The following FMN1 variants were observed in gnomAD, a reference collection of about 807,000 sequenced individuals.
The protein encoded by FMN1 is formin-1.
A neutral mutation model predicts 132.4 loss-of-function variants in FMN1; 110 were observed. The ratio of observed to expected loss-of-function variants is 0.83; its 90% CI spans 0.71 to 0.97. The LOEUF is 0.97. Ranked by LOEUF, FMN1 falls within the 50% of genes least tolerant of loss-of-function variation. The pLI is 0.00. For synonymous variants in FMN1, 722 were observed against 651.7 expected (o/e 1.11, Z -1.64); for missense variants, 1,792 against 1,705.3 (o/e 1.05, Z -0.90).
At chr15:32,952,499 ACCC>A (rs2061675797) in intron 9 of FMN1, among the ~76,000 whole-genome samples, 1 of 152,212 alleles carries the variant, frequency 6.6e-6, no homozygotes, top group Non-Finnish European at 1.5e-5. Flanking sequence ...AGCAAACCAC[ACCC>A]AAGGTGAAGG....
intron 9 of FMN1, among the ~76,000 whole-genome samples, chr15:32,932,697 T>C (rs963310621): frequency 1.3e-5 from 2 of 152,188 alleles, no homozygotes; most frequent in African/African-American, 4.8e-5. Context: ...TCTGTTCAGA[T>C]TTTCCACTTC....
intron 6 of FMN1, among the ~76,000 whole-genome samples, chr15:33,042,502 A>C (rs57043029): frequency 1.2e-4 from 19 of 152,248 alleles, no homozygotes; most frequent in African/African-American, 4.1e-4. Flanking sequence ...TTAAAACTAC[A>C]TTAATTACAA....
At chr15:33,124,315 T>C (rs548205016) in intron 4 of FMN1, among the ~76,000 whole-genome samples, 1 of 152,118 alleles carries the variant, frequency 6.6e-6, no homozygotes, top group South Asian at 2.1e-4. Flanking sequence ...GAGAAGGGGG[T>C]CTGGTCAGCG....
In FMN1 at chr15:32,992,603, G is replaced by A. The variant is rs113343066; in HGVS notation, c.2223+15411C>T. Among the ~76,000 whole-genome samples the A allele has an allele frequency of 5.6e-3, 850 of 152,196 alleles. 16 individuals are homozygous for A. The highest frequency in any genetic ancestry group is 0.02 in the African/African-American group (823 of 41,534). On this transcript the variant is annotated intron_variant, in intron 7 of 20. Coordinates refer to ENST00000616417, the MANE Select transcript of FMN1 (RefSeq NM_001277313.2). ...GAGAAATAAAGAAAATGTTCGATAA[G>A]ACATATGTTTAACAAAAAGACATGC...
chr15:33,183,031 C>T (rs1483886955), intron 2 of FMN1, among the ~76,000 whole-genome samples: 1 of 152,152 alleles, frequency 6.6e-6, no homozygotes, highest in East Asian at 1.9e-4. Flanking sequence ...TACCAAGCAG[C>T]CTCTTCCCCT....
intron 16 of FMN1, among the ~76,000 whole-genome samples, chr15:32,865,048 G>C (rs1228246403): frequency 6.6e-6 from 1 of 152,142 alleles, no homozygotes; most frequent in Non-Finnish European, 1.5e-5. Flanking sequence ...AAATGTCCCA[G>C]TAGGCAAATC....
chr15:32,897,635 C>T (rs543302925), intron 15 of FMN1, among the ~76,000 whole-genome samples: 20 of 152,220 alleles, frequency 1.3e-4, no homozygotes, highest in East Asian at 1.2e-3. Flanking sequence ...GAATTAAATT[C>T]GTAGAGTCCT....
chr15:33,079,873 A>C (rs971357841), intron 5 of FMN1, among the ~76,000 whole-genome samples: 8 of 152,182 alleles, frequency 5.3e-5, no homozygotes, highest in Admixed American at 1.3e-4. Flanking sequence ...GCGATGAGGA[A>C]TTTGTAAAAA....
chr15:33,018,509 C>T (rs1219863176), intron 6 of FMN1, among the ~76,000 whole-genome samples: 1 of 152,152 alleles, frequency 6.6e-6, no homozygotes, highest in East Asian at 1.9e-4. Flanking sequence ...GGACTGGGTT[C>T]AGAAACCTTC....
intron 17 of FMN1, among the ~76,000 whole-genome samples, chr15:32,827,331 A>G (rs2058391754): frequency 6.6e-6 from 1 of 152,212 alleles, no homozygotes; most frequent in African/African-American, 2.4e-5. Context: ...AGGCCCAGCT[A>G]ATCACATTTG....
At chr15:32,802,570 T>G (rs1595950328) in intron 18 of FMN1, among the ~76,000 whole-genome samples, 1 of 152,212 alleles carries the variant, frequency 6.6e-6, no homozygotes, top group East Asian at 1.9e-4. Context: ...AAAGCTAGAC[T>G]ACCTTCACCA....
At chr15:32,908,794 G>C (rs1056949107) in intron 11 of FMN1, among the ~76,000 whole-genome samples, 1 of 152,020 alleles carries the variant, frequency 6.6e-6, no homozygotes, top group South Asian at 2.1e-4. Flanking sequence ...AAGCCCACTG[G>C]GTGATTCTGA....
intron 6 of FMN1, among the ~76,000 whole-genome samples, chr15:33,017,079 G>C (rs963839812): frequency 1.3e-5 from 2 of 152,088 alleles, no homozygotes; most frequent in South Asian, 4.2e-4. Flanking sequence ...GGGGTGGCTG[G>C]GGTTCACCCT....
At chr15:33,070,622 G>A (rs975544977) in intron 5 of FMN1, among the ~76,000 whole-genome samples, 37 of 152,004 alleles carry the variant, frequency 2.4e-4, no homozygotes, top group Admixed American at 2.2e-3. Flanking sequence ...CAAGTCTTTG[G>A]TCCCAGGAGA....
chr15:32,801,233 C>G (rs74866233), intron 18 of FMN1, among the ~76,000 whole-genome samples: 1 of 152,170 alleles, frequency 6.6e-6, no homozygotes, highest in Non-Finnish European at 1.5e-5. Flanking sequence ...TAAACTGAAG[C>G]TAACCATTGC....
chr15:32,806,166 C>T (rs1468637861), intron 17 of FMN1, among the ~76,000 whole-genome samples: 1 of 152,054 alleles, frequency 6.6e-6, no homozygotes, highest in Non-Finnish European at 1.5e-5. Flanking sequence ...TAATTTAGGG[C>T]TACAATGATG....
At chr15:33,124,839 T>A (rs991895707) in intron 4 of FMN1, among the ~76,000 whole-genome samples, 1 of 141,536 alleles carries the variant, frequency 7.1e-6, no homozygotes, top group South Asian at 2.3e-4. Context: ...ATGCTTTTCA[T>A]TTTTCTGCAT....
intron 4 of FMN1, among the ~76,000 whole-genome samples, chr15:33,115,511 C>CAA (rs2039889694): frequency 2.0e-5 from 3 of 149,512 alleles, no homozygotes; most frequent in African/African-American, 7.4e-5. Flanking sequence ...CCCACACACA[C>CAA]ACGCACACAC....
chr15:32,812,441 C>T (rs181969021), intron 17 of FMN1, among the ~76,000 whole-genome samples: 1 of 152,294 alleles, frequency 6.6e-6, no homozygotes, highest in East Asian at 1.9e-4. Flanking sequence ...TAATGTAATA[C>T]ATTGGGGATG....
Sources: allele counts gnomAD v4.1 joint callset (sites outside exome capture counted in the v4.1 genomes callset), GRCh38; gene constraint gnomAD v4.1.1; transcripts MANE v1.5; gene names NCBI Gene and HGNC (gene_info 2026-07-23, HGNC 2026-07-21).